GCNT3: variants seen among roughly 807,000 people sequenced by gnomAD.
GCNT3 encodes glucosaminyl (N-acetyl) transferase 3, mucin type.
For synonymous variants in GCNT3, 269 were observed against 195.2 expected, an observed-to-expected ratio of 1.38 and a Z score of -3.15; for missense variants, 708 against 530.3, an observed-to-expected ratio of 1.34 and a Z score of -3.29.
intron 1 of GCNT3, among the ~76,000 whole-genome samples, chr15:59,613,561 T>G (rs1566904377): frequency 6.7e-6 from 1 of 149,288 alleles, no homozygotes. Context: ...AATAAATAAA[T>G]AAATAAATAA....
chr15:59,619,101 A>T lies in GCNT3; in HGVS notation c.863A>T (p.Tyr288Phe). 6.2e-7 allele frequency: 1 copy of T among 1,614,168 alleles called. No individual in the cohort carries two copies. The highest frequency in any genetic ancestry group is 8.5e-7 in the Non-Finnish European group (1 of 1,180,006). ...LTNKKKDPPP[Y>F]NLTMFTGNAY... The stretch of plus-strand genomic sequence containing the variant: ...AACAAGAAGAAGGATCCTCCCCCTT[A>T]TAATTTAACTATGTTTACAGGGAAT... The change falls in exon 3 of 3, where the codon TAT (tyrosine) becomes TTT (phenylalanine). Residue 288 changes from tyrosine (Y) to phenylalanine (F), a missense_variant. Transcript: ENST00000396065.
In GCNT3 at chr15:59,619,176, C is replaced by G. The variant is rs760754909; in HGVS notation, c.938C>G (p.Pro313Arg). 12 of 1,614,080 alleles carry G rather than the reference C, an allele frequency of 7.4e-6. No homozygotes were observed. Among genetic ancestry groups the G allele is most frequent in the Admixed American group, 1.7e-5 (1 of 60,018 alleles). The change falls in exon 3 of 3, where the codon CCT (proline) becomes CGT (arginine). Residue 313 changes from proline (P) to arginine (R), a missense_variant. Physicochemically the swap from Pro to Arg is moderately radical, Grantham distance 103. Transcript: ENST00000396065. Reference sequence around the variant, plus strand: ...TTCGTCCAACATGTTTTGAAGAACCCTAAATCCCAACAACTGATTGAATGG... The same window carrying G: ...TTCGTCCAACATGTTTTGAAGAACCGTAAATCCCAACAACTGATTGAATGG... ...RDFVQHVLKN[P>R]KSQQLIEWVK... is the part of the protein sequence containing the mutation.
Position 59,618,994 on chromosome 15 carries a change from G to A in GCNT3, c.756G>A (p.Met252Ile). ...ALKMLNGRNS[M>I]ESEVPPKHKE... ...AGATGTTGAATGGGAGGAATAGCAT[G>A]GAGTCAGAGGTACCTCCTAAGCACA... The change falls in exon 3 of 3, where the codon ATG becomes ATA. Residue 252 changes from methionine (M) to isoleucine (I), a missense_variant. Transcript: ENST00000396065. 6.2e-7 allele frequency: 1 copy of A among 1,614,096 alleles called. No homozygotes were observed. The highest frequency in any genetic ancestry group is 1.3e-5 in the African/African-American group (1 of 75,010).
At chr15:59,615,040 ATC>A (rs2082713149) in intron 1 of GCNT3, 1 of 152,180 alleles carries the variant, frequency 6.6e-6, no homozygotes, top group Non-Finnish European at 1.5e-5. Context: ...TTGCCTCATT[ATC>A]TTCAGGAGAA....
intron 1 of GCNT3, among the ~76,000 whole-genome samples, chr15:59,615,746 C>T (rs747698692): frequency 2.0e-5 from 3 of 151,684 alleles, no homozygotes; most frequent in Admixed American, 6.6e-5. Context: ...AAATTATCTC[C>T]GCATGGTGGT....
rs2082731849 is a variant in GCNT3 at position 59,618,664 on chromosome 15, G to C, written c.426G>C (p.Lys142Asn). The C allele has an allele frequency of 6.2e-7, 1 of 1,614,084 alleles. No homozygotes were observed. The highest frequency in any genetic ancestry group is 1.3e-5 in the African/African-American group (1 of 74,934). Residue 142 changes from lysine (K) to asparagine (N), a missense_variant, in exon 3 of 3, where the codon AAG becomes AAC. By Grantham distance (94) the Lys-to-Asn change is moderately conservative. Coordinates refer to ENST00000396065, the MANE Select transcript of GCNT3 (RefSeq NM_004751.3). ...CATACTCTATGGTGATTCATGAGAA[G>C]ATTGAAAACTTTGAAAGGCTACTGC... ...PIAYSMVIHE[K>N]IENFERLLRA...
At position 59,619,680 on chromosome 15, in the gene GCNT3, G is replaced by C. The variant is rs2082738657; in HGVS notation, c.*125G>C. 1.4e-6 allele frequency: 1 copy of C among 701,208 alleles called. No homozygotes were observed. The highest frequency in any genetic ancestry group is 2.6e-6 in the Non-Finnish European group (1 of 391,762). 43.4% of individuals were successfully genotyped at this position (701,208 alleles called of 1,614,324 possible). On this transcript the variant is annotated 3_prime_UTR_variant, in exon 3 of 3. Coordinates refer to ENST00000396065, the MANE Select transcript of GCNT3 (RefSeq NM_004751.3). ...TTCGTGGCATCCTTTAGGATAAGAG[G>C]GCTGCTATTAGAGTGTGGGTAAGTA...
chr15:59,615,084 T>C (rs1794766863), intron 1 of GCNT3: 1 of 152,242 alleles, frequency 6.6e-6, no homozygotes, highest in Non-Finnish European at 1.5e-5. Context: ...TTTGTAATGC[T>C]GGAGGTTATT....
intron 1 of GCNT3, among the ~76,000 whole-genome samples, chr15:59,613,044 T>G (rs1447554959): frequency 6.6e-6 from 1 of 151,470 alleles, no homozygotes; most frequent in Non-Finnish European, 1.5e-5. Flanking sequence ...ACTGGATCTA[T>G]TTCATGATAA....
At chr15:59,613,653 G>A (rs980828254) in intron 1 of GCNT3, among the ~76,000 whole-genome samples, 3 of 152,162 alleles carry the variant, frequency 2.0e-5, no homozygotes, top group Admixed American at 6.5e-5. Context: ...TTGAGCCCAG[G>A]AGGCAGAGGT....
At chr15:59,613,841 C>T (rs1461483161) in intron 1 of GCNT3, among the ~76,000 whole-genome samples, 1 of 151,590 alleles carries the variant, frequency 6.6e-6, no homozygotes, top group African/African-American at 2.4e-5. Flanking sequence ...AACCGCATCT[C>T]TACAAAAAAA....
chr15:59,617,638 T>C (rs1426259921), intron 2 of GCNT3, among the ~76,000 whole-genome samples: 1 of 152,224 alleles, frequency 6.6e-6, no homozygotes, highest in African/African-American at 2.4e-5. Context: ...TTTAAGAACA[T>C]TTTTTAAAAA....
intron 2 of GCNT3, 82 bp from the exon 3 acceptor site, chr15:59,618,097 T>A (rs1243513007): frequency 1.7e-6 from 1 of 575,860 alleles, no homozygotes. Context: ...GTAAGAAATA[T>A]TTTTTGCCAT....
At chr15:59,615,615 G>A (rs2082716112) in intron 1 of GCNT3, among the ~76,000 whole-genome samples, 2 of 151,968 alleles carry the variant, frequency 1.3e-5, no homozygotes, top group Non-Finnish European at 1.5e-5. Context: ...GGGCGTGGTG[G>A]CTCACTCCTG....
rs757226378 is a variant in GCNT3, at chr15:59,618,706, T to C, written c.468T>C (p.Pro156=). The change falls in exon 3 of 3, where the codon CCT becomes CCC. Residue 156 remains proline, a synonymous_variant. Transcript: ENST00000396065. The stretch of plus-strand genomic sequence containing the variant: ...GGCTACTGCGAGCTGTGTATGCCCC[T>C]CAGAACATATACTGTGTCCATGTGG... ...FERLLRAVYA[P]QNIYCVHVDE... is the part of the protein sequence containing the mutation. 1 of 1,614,072 alleles carries C rather than the reference T, an allele frequency of 6.2e-7. No homozygotes were observed. The highest frequency in any genetic ancestry group is 8.5e-7 in the Non-Finnish European group (1 of 1,179,922).
chr15:59,618,595 C>G lies in GCNT3; in HGVS notation c.357C>G (p.Phe119Leu), dbSNP rs758556052. 2 of 1,613,984 alleles carry G rather than the reference C, an allele frequency of 1.2e-6. No homozygotes were observed. The highest frequency in any genetic ancestry group is 1.7e-6 in the Non-Finnish European group (2 of 1,179,870). Residue 119 changes from phenylalanine to leucine, a missense_variant, in exon 3 of 3, where the codon TTC becomes TTG. By Grantham distance (22) the Phe-to-Leu change is conservative. Transcript: ENST00000396065. The stretch of plus-strand genomic sequence containing the variant: ...AGCACTTCAAGGCTGAAAGGAAGTT[C>G]ATACAGTTCCCACTGAGCAAAGAAG... ...DCEHFKAERKFIQFPLSKEEV... is the reference protein window; with the variant it reads ...DCEHFKAERKLIQFPLSKEEV...
intron 2 of GCNT3, chr15:59,617,974 A>G: frequency 3.3e-6 from 1 of 300,722 alleles, no homozygotes. Flanking sequence ...AGGTGGATCC[A>G]GATCCAGACT....
In GCNT3 at chr15:59,619,561, A is replaced by G. The variant is rs749920710; in HGVS notation, c.*6A>G. ...TCTATGGGACTGAACTTTGAGACAC[A>G]CTATGAGAGCGTTGCTACCTGTGGG... is the stretch of plus-strand genomic sequence containing the variant. On this transcript the variant is annotated 3_prime_UTR_variant, in exon 3 of 3. Coordinates refer to ENST00000396065, the MANE Select transcript of GCNT3 (RefSeq NM_004751.3). 2.6e-6 allele frequency: 4 copies of G among 1,524,104 alleles called. No homozygotes were observed. Among genetic ancestry groups the G allele is most frequent in the Admixed American group, 3.5e-5 (2 of 57,828 alleles). 94.4% of individuals were successfully genotyped at this position (1,524,104 alleles called of 1,614,324 possible).
At position 59,622,571 on chromosome 15, in the gene GCNT3, G is replaced by A. The variant is rs1259383786; in HGVS notation, c.*3016G>A. 2 of 152,126 alleles carry A rather than the reference G, an allele frequency of 1.3e-5. No individual in the cohort carries two copies. The highest frequency in any genetic ancestry group is 4.8e-5 in the African/African-American group (2 of 41,414). 9.4% of individuals were successfully genotyped at this position (152,126 alleles called of 1,614,324 possible). A position where few individuals can be genotyped will look rare whatever the true frequency, so the allele number is the denominator to read the frequency against. ...GTCCTCCTCTGAAGGAGGTAGAAGG[G>A]GCACACGGCCACCGTGGGAAGTAGG... On this transcript the variant is annotated 3_prime_UTR_variant, in exon 3 of 3. Coordinates refer to ENST00000396065, the MANE Select transcript of GCNT3 (RefSeq NM_004751.3).
Sources: gnomAD v4.1 joint callset for allele counts (sites outside exome capture counted in the v4.1 genomes callset) on GRCh38, gnomAD v4.1.1 for gene constraint, MANE v1.5 for transcripts, NCBI Gene and HGNC (gene_info 2026-07-23, HGNC 2026-07-21) for gene names.